GTF2IRD1: variants seen among roughly 807,000 people sequenced by gnomAD.
The protein encoded by GTF2IRD1 is general transcription factor II-I repeat domain-containing protein 1.
Under a neutral mutation model 113.2 loss-of-function variants are expected in GTF2IRD1, and 26 were observed. That is an observed-to-expected ratio of 0.23 (90% confidence interval 0.17 to 0.32). The LOEUF is 0.32. Among genes scored for constraint, GTF2IRD1 ranks in the 10% least tolerant of loss-of-function variants. The pLI is 1.00. For missense variants in GTF2IRD1, 864 were observed against 1,280.8 expected (o/e 0.67, Z 4.97); for synonymous variants, 484 against 529.1 (o/e 0.91, Z 1.17).
chr7:74,529,545 C>T (rs587636842), intron 8 of GTF2IRD1, among the ~76,000 whole-genome samples, 189 bp from the exon 9 acceptor site: 9 of 152,194 alleles, frequency 5.9e-5, no homozygotes, highest in African/African-American at 1.9e-4. Context: ...CATGAGTCAC[C>T]GCACCCAGCC....
chr7:74,529,710 C>T (rs1554348212), intron 8 of GTF2IRD1, 24 bp from the exon 9 acceptor site: 1 of 1,611,808 alleles, frequency 6.2e-7, no homozygotes, highest in African/African-American at 1.3e-5. Context: ...AACACTCAGC[C>T]TTGCTGTTTG....
chr7:74,599,586 C>A (rs1472993982), intron 25 of GTF2IRD1, among the ~76,000 whole-genome samples: 1 of 152,220 alleles, frequency 6.6e-6, no homozygotes, highest in Non-Finnish European at 1.5e-5. Context: ...TGATTCTAAA[C>A]CAGAGTTTCT....
chr7:74,533,413 G>A (rs1554349436), intron 9 of GTF2IRD1, among the ~76,000 whole-genome samples: 1 of 152,110 alleles, frequency 6.6e-6, no homozygotes, highest in East Asian at 1.9e-4. Context: ...GGGATTATAG[G>A]CTTGAGCCAC....
At chr7:74,525,317 C>T (rs1797537956) in intron 8 of GTF2IRD1, among the ~76,000 whole-genome samples, 1 of 152,146 alleles carries the variant, frequency 6.6e-6, no homozygotes. Flanking sequence ...GGTTCCCTCT[C>T]TGTGACACAT....
chr7:74,541,533 G>A (rs1323761960), intron 14 of GTF2IRD1, among the ~76,000 whole-genome samples: 2 of 152,118 alleles, frequency 1.3e-5, no homozygotes, highest in Admixed American at 6.6e-5. Flanking sequence ...GGCTGAGGTA[G>A]GAGGATTGAT....
At chr7:74,465,538 G>A (rs1793652919) in intron 1 of GTF2IRD1, among the ~76,000 whole-genome samples, 1 of 152,156 alleles carries the variant, frequency 6.6e-6, no homozygotes, top group Non-Finnish European at 1.5e-5. Flanking sequence ...AGTATTGCCA[G>A]GTTCTTGGGA....
intron 8 of GTF2IRD1, among the ~76,000 whole-genome samples, chr7:74,528,980 TGG>T (rs1797799451): frequency 2.8e-5 from 4 of 142,274 alleles, no homozygotes; most frequent in African/African-American, 1.0e-4. Context: ...GATGGATGGA[TGG>T]ATGGATAGAC....
chr7:74,593,923 G>A (rs1554371034), intron 24 of GTF2IRD1, among the ~76,000 whole-genome samples: 1 of 150,624 alleles, frequency 6.6e-6, no homozygotes, highest in East Asian at 2.0e-4. Context: ...AAATAGGCTG[G>A]GCGTGGTGGC....
intron 10 of GTF2IRD1, among the ~76,000 whole-genome samples, chr7:74,535,623 G>A (rs587613014): frequency 6.6e-6 from 1 of 152,320 alleles, no homozygotes; most frequent in East Asian, 1.9e-4. Context: ...GGAGGAAGAT[G>A]CGGGCTCTTC....
rs1554344384 is a variant in GTF2IRD1, at chr7:74,515,425, G to A, written c.266-16G>A. The A allele has an allele frequency of 6.4e-7, 1 of 1,569,328 alleles. No individual in the cohort carries two copies. Among genetic ancestry groups the A allele is most frequent in the Admixed American group, 1.9e-5 (1 of 53,372 alleles). On this transcript the variant is annotated splice_polypyrimidine_tract_variant and intron_variant, in intron 3 of 26. Transcript: ENST00000424337. ...ACGGGTGCTCACTGTGGCCTCGCGT[G>A]CTCTGTGTCCCACAGGAGGGCCCCC... is the stretch of plus-strand genomic sequence containing the variant.
Position 74,515,512 on chromosome 7 carries a change from A to G in GTF2IRD1, c.337A>G (p.Ser113Gly). The change falls in exon 4 of 27, where the codon AGC becomes GGC. Residue 113 changes from serine (S) to glycine (G), a missense_variant. By Grantham distance (56) the Ser-to-Gly change is moderately conservative. This residue lies in a region of GTF2IRD1 where 182 missense variants were observed against 266.6 expected (regional missense o/e 0.68). Coordinates refer to ENST00000424337, the MANE Select transcript of GTF2IRD1 (RefSeq NM_005685.4). The stretch of plus-strand genomic sequence containing the variant: ...GCAGCGGGGCGAGGGTGGAGGCCGT[A>G]GCCTCCCTCGGTCCTCCCTGGAACA... ...KVQRGEGGGR[S>G]LPRSSLEHGS... 6.2e-7 allele frequency: 1 copy of G among 1,613,142 alleles called. No individual in the cohort carries two copies. Among genetic ancestry groups the G allele is most frequent in the Non-Finnish European group, 8.5e-7 (1 of 1,179,258 alleles).
intron 1 of GTF2IRD1, among the ~76,000 whole-genome samples, chr7:74,456,613 G>A (rs1209162546): frequency 6.6e-6 from 1 of 152,016 alleles, no homozygotes; most frequent in Admixed American, 6.6e-5. Flanking sequence ...AACCCGGGAG[G>A]TGGAGGTTGC....
At chr7:74,518,577 G>A (rs587600587) in intron 5 of GTF2IRD1, among the ~76,000 whole-genome samples, 4 of 152,238 alleles carry the variant, frequency 2.6e-5, no homozygotes, top group African/African-American at 9.6e-5. Flanking sequence ...GACATGACTT[G>A]GGACAAAATA....
chr7:74,571,561 T>C (rs587763916), intron 22 of GTF2IRD1, among the ~76,000 whole-genome samples: 1 of 152,322 alleles, frequency 6.6e-6, no homozygotes, highest in Non-Finnish European at 1.5e-5. Context: ...TAAGGAACTA[T>C]GTCAAATTAC....
At chr7:74,545,124 G>C (rs1300029543) in intron 15 of GTF2IRD1, among the ~76,000 whole-genome samples, 1 of 152,166 alleles carries the variant, frequency 6.6e-6, no homozygotes, top group African/African-American at 2.4e-5. Context: ...TCCTCTATCT[G>C]AGCAAGTAGA....
chr7:74,592,232 T>C (rs1453469681), intron 24 of GTF2IRD1, among the ~76,000 whole-genome samples: 2 of 151,872 alleles, frequency 1.3e-5, no homozygotes, highest in Non-Finnish European at 2.9e-5. Flanking sequence ...CTCAAGTAGC[T>C]GGCACTACAG....
intron 19 of GTF2IRD1, among the ~76,000 whole-genome samples, chr7:74,556,452 C>G (rs1554356873): frequency 1.3e-5 from 2 of 151,434 alleles, no homozygotes; most frequent in Admixed American, 1.3e-4. Flanking sequence ...TCCCAAGTAG[C>G]TGGGATTATA....
At chr7:74,586,240 G>A (rs1365313046) in intron 22 of GTF2IRD1, among the ~76,000 whole-genome samples, 1 of 152,150 alleles carries the variant, frequency 6.6e-6, no homozygotes, top group Admixed American at 6.5e-5. Context: ...CTGGTCCTTG[G>A]GCCCAGGACT....
rs1472746513 is a variant in GTF2IRD1 at position 74,468,357 on chromosome 7, T to TA, written c.-7+14197dup. 1.0e-3 allele frequency among the ~76,000 whole-genome samples: 43 copies of TA among 42,090 alleles called. 1 individual carries two copies. Among genetic ancestry groups the TA allele is most frequent in the South Asian group, 8.4e-3 (12 of 1,424 alleles). The allele number at this position is 42,090 out of a possible 152,430, so 27.6% of individuals were successfully genotyped here. A position where few individuals can be genotyped will look rare whatever the true frequency, so the allele number is the denominator to read the frequency against. On this transcript the variant is annotated intron_variant, in intron 1 of 26. Coordinates refer to ENST00000424337, the MANE Select transcript of GTF2IRD1 (RefSeq NM_005685.4). ...TTCTCTACAAAACATAAAAATAATT[T>TA]AAAAAAAAAAAAAAAACCCAGCCAG...
Sources: allele counts gnomAD v4.1 joint callset (sites outside exome capture counted in the v4.1 genomes callset), GRCh38; gene constraint gnomAD v4.1.1; regional missense constraint gnomAD v4.1.1; transcripts MANE v1.5; gene names NCBI Gene and HGNC (gene_info 2026-07-23, HGNC 2026-07-21).